ENPP7: variants seen among roughly 807,000 people sequenced by gnomAD.
ENPP7 encodes ectonucleotide pyrophosphatase/phosphodiesterase family member 7.
ENPP7 carries 39 observed loss-of-function variants against 33.6 expected under a neutral mutation model. The observed-to-expected ratio is 1.16, with a 90% CI of 0.90 to 1.52. ENPP7 has a LOEUF of 1.52. ENPP7 is among the 40% of genes most tolerant of loss of function. The probability of loss-of-function intolerance (pLI) is 0.00; values close to 1 mark genes in which losing one functional copy is unlikely to be tolerated. For missense variants in ENPP7, 594 were observed against 641.0 expected, an observed-to-expected ratio of 0.93 and a Z score of 0.79; for synonymous variants, 244 against 274.3, an observed-to-expected ratio of 0.89 and a Z score of 1.09.
intron 2 of ENPP7, among the ~76,000 whole-genome samples, chr17:79,734,591 C>T (rs1268264460): frequency 1.3e-5 from 2 of 151,826 alleles, no homozygotes; most frequent in African/African-American, 4.8e-5. Flanking sequence ...TATTCTCCTG[C>T]CTCAGCCTCC....
At position 79,737,258 on chromosome 17, in the gene ENPP7, C is replaced by G; in HGVS notation, c.1244C>G (p.Thr415Arg). 1 of 1,594,890 alleles carries G rather than the reference C, an allele frequency of 6.3e-7. No individual in the cohort carries two copies. ...GCTACTCTGCTGCCCATGCTGCACA[C>G]AGGTGAGGGCAGGGTGCCCCAAATC... ...HLATLLPMLH[T>R]ESALPPDGRP... is the part of the protein sequence containing the mutation. The change falls in exon 4 of 6, where the codon ACA (threonine) becomes AGA (arginine). Residue 415 changes from threonine (T) to arginine (R), a missense_variant and splice_region_variant. Thr to Arg is a moderately conservative substitution (Grantham distance 71). Around this residue, in one of 3 missense-constraint regions of ENPP7, gnomAD observed 504 missense variants for 512.8 expected, o/e 0.98. Transcript: ENST00000328313. This position sits in a 1 kb window ranked among gnomAD's most constrained non-coding sequence, Gnocchi z 5.5.
chr17:79,734,178 C>T (rs1213653499), intron 2 of ENPP7, among the ~76,000 whole-genome samples: 3 of 107,658 alleles, frequency 2.8e-5, no homozygotes, highest in African/African-American at 1.1e-4. Flanking sequence ...GCTCTGGGGG[C>T]TTCCTGGCCC....
At chr17:79,741,061 T>G (rs1454100891) in intron 5 of ENPP7, among the ~76,000 whole-genome samples, 1 of 152,176 alleles carries the variant, frequency 6.6e-6, no homozygotes, top group Non-Finnish European at 1.5e-5. Flanking sequence ...CACAGCTCAC[T>G]GCAGCCTCGA....
At position 79,737,709 on chromosome 17, in the gene ENPP7, C is replaced by A. The variant is rs950536490; in HGVS notation, c.1247-207C>A. On this transcript the variant is annotated intron_variant, in intron 4 of 5. Transcript: ENST00000328313. This position sits in a 1 kb window ranked among gnomAD's most constrained non-coding sequence, Gnocchi z 5.5. ...CACCTGGAAACTGACAAGGTGGCGA[C>A]CCCGGCGGGGGCCTGGCTGGAGAGG... Among the ~76,000 whole-genome samples, 2 of 152,216 alleles carry A rather than the reference C, an allele frequency of 1.3e-5. No individual in the cohort carries two copies. Among genetic ancestry groups the A allele is most frequent in the East Asian group, 3.9e-4 (2 of 5,180 alleles).
rs1271472713 is a variant in ENPP7 at position 79,739,253 on chromosome 17, G to A, written c.*16+1191G>A. On this transcript the variant is annotated intron_variant, in intron 5 of 5. Transcript: ENST00000328313. This position sits in a 1 kb window ranked among gnomAD's most constrained non-coding sequence, Gnocchi z 4.4. Reference sequence around the variant, plus strand: ...GTGCCTGCAGGTTGGCACAGAGCGAGGCTCTAACAGGAGCTGACCACAGCC... The same window carrying A: ...GTGCCTGCAGGTTGGCACAGAGCGAAGCTCTAACAGGAGCTGACCACAGCC... 4 of 152,540 alleles carry A rather than the reference G, an allele frequency of 2.6e-5. No individual in the cohort carries two copies. Among genetic ancestry groups the A allele is most frequent in the African/African-American group, 7.2e-5 (3 of 41,486 alleles). The allele number at this position is 152,540 out of a possible 1,614,324, so 9.4% of individuals were successfully genotyped here.
Position 79,735,039 on chromosome 17 carries a change from G to A in ENPP7, c.400-4G>A, listed in dbSNP as rs1383299156. On this transcript the variant is annotated splice_region_variant and splice_polypyrimidine_tract_variant and intron_variant, in intron 2 of 5. Coordinates refer to ENST00000328313, the MANE Select transcript of ENPP7 (RefSeq NM_178543.5). The surrounding 1 kb of genome is among the most constrained non-coding windows in gnomAD (Gnocchi z 5.5). ...CCTGTCTTTCACGCTGCCTTGTCTGGCAGGGCCTGAGGGCTGGCTCCTTCT... is the reference window on the plus strand; with the variant it reads ...CCTGTCTTTCACGCTGCCTTGTCTGACAGGGCCTGAGGGCTGGCTCCTTCT... 6.2e-7 allele frequency: 1 copy of A among 1,612,052 alleles called. No individual in the cohort carries two copies. The highest frequency in any genetic ancestry group is 8.5e-7 in the Non-Finnish European group (1 of 1,179,342).
chr17:79,735,854 A>T lies in ENPP7; in HGVS notation c.1026+185A>T, dbSNP rs2094294783. On this transcript the variant is annotated intron_variant, in intron 3 of 5. Transcript: ENST00000328313. The surrounding 1 kb of genome is among the most constrained non-coding windows in gnomAD (Gnocchi z 5.5). ...ATCCTTCCACCTCAGCCTCCTGAGT[A>T]GCTGAGACCACAGGTGCACACCACC... 6.6e-6 allele frequency among the ~76,000 whole-genome samples: 1 copy of T among 152,068 alleles called. No individual in the cohort carries two copies. Among genetic ancestry groups the T allele is most frequent in the Non-Finnish European group, 1.5e-5 (1 of 68,012 alleles).
rs2094293923 is a variant in ENPP7 at position 79,735,512 on chromosome 17, A to G, written c.869A>G (p.Glu290Gly). 3.1e-6 allele frequency: 5 copies of G among 1,613,878 alleles called. No homozygotes were observed. In the South Asian group the frequency reaches 5.5e-5, roughly 18 times the overall value. Residue 290 changes from glutamate (E) to glycine (G), a missense_variant, in exon 3 of 6, where the codon GAA (glutamate) becomes GGA (glycine). Physicochemically the swap from Glu to Gly is moderately conservative, Grantham distance 98 (BLOSUM62 -2). Transcript: ENST00000328313. The surrounding 1 kb of genome is among the most constrained non-coding windows in gnomAD (Gnocchi z 5.5). ...YGPNGMLLPK[E>G]GRLEKVYDAL... ...CCAAACGGGATGCTGCTCCCTAAAG[A>G]AGGGAGGCTGGAGAAGGTGTACGAT...
chr17:79,738,467 A>C lies in ENPP7; in HGVS notation c.*16+405A>C. On this transcript the variant is annotated intron_variant, in intron 5 of 5. Coordinates refer to ENST00000328313, the MANE Select transcript of ENPP7 (RefSeq NM_178543.5). This position sits in a 1 kb window ranked among gnomAD's most constrained non-coding sequence, Gnocchi z 6.2. Reference sequence around the variant, plus strand: ...AGAGCTCTGGGGCTGTGTTCCTGGAACTCTCCAGGAGCCTCCTAGGACACG... The same window carrying C: ...AGAGCTCTGGGGCTGTGTTCCTGGACCTCTCCAGGAGCCTCCTAGGACACG... 2 of 196,230 alleles carry C rather than the reference A, an allele frequency of 1.0e-5. No homozygotes were observed. Among genetic ancestry groups the C allele is most frequent in the Admixed American group, 5.2e-5 (1 of 19,104 alleles). The allele number at this position is 196,230 out of a possible 1,614,324, so 12.2% of individuals were successfully genotyped here.
chr17:79,741,175 A>C (rs1205361222), intron 5 of ENPP7, among the ~76,000 whole-genome samples: 1 of 152,098 alleles, frequency 6.6e-6, no homozygotes, highest in Non-Finnish European at 1.5e-5. Flanking sequence ...AATTTAAAAA[A>C]AGAAAAGCAA....
intron 1 of ENPP7, among the ~76,000 whole-genome samples, chr17:79,732,252 G>C (rs1295721509): frequency 6.7e-6 from 1 of 149,816 alleles, no homozygotes; most frequent in African/African-American, 2.4e-5. Flanking sequence ...ACTCCAGCCT[G>C]GGTGACAGAG....
intron 1 of ENPP7, among the ~76,000 whole-genome samples, chr17:79,732,557 T>C (rs1249017831): frequency 6.6e-6 from 1 of 152,106 alleles, no homozygotes; most frequent in East Asian, 1.9e-4. Flanking sequence ...GGCTCCCTCC[T>C]CACCTCTTCT....
At position 79,731,099 on chromosome 17, in the gene ENPP7, C is replaced by A. The variant is rs1555822381; in HGVS notation, c.-41C>A. On this transcript the variant is annotated 5_prime_UTR_variant, in exon 1 of 6. Transcript: ENST00000328313. Reference sequence around the variant, plus strand: ...CTTTGTCCTCCTCGGCAGGAGCCAGCCCTGTGCACCCTGTGTGCCTGTCCA... The same window carrying A: ...CTTTGTCCTCCTCGGCAGGAGCCAGACCTGTGCACCCTGTGTGCCTGTCCA... 1 of 1,570,332 alleles carries A rather than the reference C, an allele frequency of 6.4e-7. No homozygotes were observed. Among genetic ancestry groups the A allele is most frequent in the Middle Eastern group, 2.3e-4 (1 of 4,346 alleles).
At chr17:79,741,699 C>T (rs962217768) in intron 5 of ENPP7, 95 bp from the exon 6 acceptor site, 12 of 537,298 alleles carry the variant, frequency 2.2e-5, no homozygotes, top group Non-Finnish European at 2.8e-5. Context: ...CCCTCCCAGT[C>T]CAGCCGCACC....
intron 5 of ENPP7, among the ~76,000 whole-genome samples, chr17:79,741,224 A>G (rs1555824506): frequency 6.6e-6 from 1 of 152,212 alleles, no homozygotes; most frequent in Non-Finnish European, 1.5e-5. Flanking sequence ...CCTGGCCTCA[A>G]GCGATCCTCC....
rs73410375 is a variant in ENPP7 at position 79,739,296 on chromosome 17, G to C, written c.*16+1234G>C. On this transcript the variant is annotated intron_variant, in intron 5 of 5. Coordinates refer to ENST00000328313, the MANE Select transcript of ENPP7 (RefSeq NM_178543.5). This position sits in a 1 kb window ranked among gnomAD's most constrained non-coding sequence, Gnocchi z 4.4. ...CCACAGCCCCAAGGCAGGAGGTTGTGGGATGCACAGCGGGGAGCCCCAAGC... is the reference window on the plus strand; with the variant it reads ...CCACAGCCCCAAGGCAGGAGGTTGTCGGATGCACAGCGGGGAGCCCCAAGC... The C allele has an allele frequency of 0.26, 39,245 of 152,350 alleles. 5,229 individuals are homozygous for C. Among genetic ancestry groups the C allele is most frequent in the South Asian group, 0.3 (1,441 of 4,820 alleles). 9.4% of individuals were successfully genotyped at this position (152,350 alleles called of 1,614,324 possible).
chr17:79,740,215 A>G (rs1346577286), intron 5 of ENPP7, among the ~76,000 whole-genome samples: 1 of 152,166 alleles, frequency 6.6e-6, no homozygotes, highest in Non-Finnish European at 1.5e-5. Flanking sequence ...AATCAATGAA[A>G]GAGAAAGGAG....
chr17:79,733,795 G>A, intron 2 of ENPP7, 142 bp downstream of exon 2: 1 of 918,468 alleles, frequency 1.1e-6, no homozygotes. Flanking sequence ...TGGCACAGAA[G>A]GGTGTGAAGT....
intron 3 of ENPP7, among the ~76,000 whole-genome samples, chr17:79,736,539 G>A (rs1289375594): frequency 2.3e-5 from 1 of 43,710 alleles, no homozygotes; most frequent in African/African-American, 3.5e-4. Flanking sequence ...TGATAGGCGT[G>A]TGTGTGTGTG....
Sources: gnomAD v4.1 joint callset for allele counts (sites outside exome capture counted in the v4.1 genomes callset) on GRCh38, gnomAD v4.1.1 for gene constraint, gnomAD v4.1.1 regional missense constraint, Gnocchi (gnomAD v3.1) non-coding constraint, MANE v1.5 for transcripts, NCBI Gene and HGNC (gene_info 2026-07-23, HGNC 2026-07-21) for gene names.